FLG2: variants seen among roughly 807,000 people sequenced by gnomAD.
FLG2 encodes the protein filaggrin-2.
FLG2 carries 7 observed loss-of-function variants against 3.9 expected under a neutral mutation model. That is an observed-to-expected ratio of 1.79 (90% CI 1.02 to 3.36). FLG2 has a LOEUF of 3.36. FLG2 is among the 30% of genes most tolerant of loss of function. FLG2 has a pLI of 0.00. For missense variants in FLG2, 2,700 were observed against 2,809.4 expected (o/e 0.96, Z 0.88); for synonymous variants, 1,031 against 1,056.1 (o/e 0.98, Z 0.46).
rs1653878512 is a variant in FLG2 at position 152,350,830 on chromosome 1, CCTGT to C, written c.6952_6955del (p.Thr2318ValfsTer83). ...ATGACTTGCTCTACTAGATCTGGAA[CCTGT>C]CTGTGTGGATTGTCCATAACCAGAA... On this transcript the variant is annotated frameshift_variant, in exon 3 of 3. Transcript: ENST00000388718. LOFTEE classifies it low-confidence loss of function (END_TRUNC). 1 of 1,614,200 alleles carries C rather than the reference CCTGT, an allele frequency of 6.2e-7. No homozygotes were observed. Among genetic ancestry groups the C allele is most frequent in the Non-Finnish European group, 8.5e-7 (1 of 1,180,048 alleles).
Position 152,351,504 on chromosome 1 carries a change from C to A in FLG2, c.6282G>T (p.Gly2094=), listed in dbSNP as rs1052680075. 10 of 1,609,020 alleles carry A rather than the reference C, an allele frequency of 6.2e-6. No individual in the cohort carries two copies. Among genetic ancestry groups the A allele is most frequent in the Non-Finnish European group, 8.5e-6 (10 of 1,178,678 alleles). The change falls in exon 3 of 3, where the codon GGG becomes GGT. Residue 2094 remains glycine, a synonymous_variant. Coordinates refer to ENST00000388718, the MANE Select transcript of FLG2 (RefSeq NM_001014342.3). Reference sequence around the variant, plus strand: ...ATCCCCTTCTTCCAGCTGTCCTTGACCCTCTCTGTGTGGACTGTCCATGAC... The same window carrying A: ...ATCCCCTTCTTCCAGCTGTCCTTGAACCTCTCTGTGTGGACTGTCCATGAC... ...HSGHGQSTQR[G]SRTAGRRGSG...
Position 152,356,297 on chromosome 1 carries a change from A to G in FLG2, c.1489T>C (p.Ser497Pro). Residue 497 changes from serine to proline, a missense_variant, in exon 3 of 3, where the codon TCA (serine) becomes CCA (proline). Transcript: ENST00000388718. ...GQSSGFGQCGSGSGQSSGFGQ... is the reference protein window; with the variant it reads ...GQSSGFGQCGPGSGQSSGFGQ... ...AAGCCAGAGGACTGACCTGAGCCTG[A>G]CCCACATTGTCCAAAGCCAGAGGAC... 1 of 1,613,920 alleles carries G rather than the reference A, an allele frequency of 6.2e-7. No homozygotes were observed. The highest frequency in any genetic ancestry group is 8.5e-7 in the Non-Finnish European group (1 of 1,179,968).
Position 152,355,269 on chromosome 1 carries a change from T to G in FLG2, c.2517A>C (p.Arg839Ser). Residue 839 changes from arginine to serine, a missense_variant, in exon 3 of 3, where the codon AGA becomes AGC. Coordinates refer to ENST00000388718, the MANE Select transcript of FLG2 (RefSeq NM_001014342.3). ...QSSGFGQHES[R>S]SHQSSYGQHG... ...GTTGGCCATAGCTGGACTGATGTGA[T>G]CTAGACTCATGCTGTCCAAAGCCAG... is the stretch of plus-strand genomic sequence containing the variant. 1 of 1,613,044 alleles carries G rather than the reference T, an allele frequency of 6.2e-7. No individual in the cohort carries two copies. Among genetic ancestry groups the G allele is most frequent in the Non-Finnish European group, 8.5e-7 (1 of 1,179,788 alleles).
At chr1:152,358,039 T>G (rs76740990) in intron 2 of FLG2, among the ~76,000 whole-genome samples, 1 of 147,182 alleles carries the variant, frequency 6.8e-6, no homozygotes, top group South Asian at 2.2e-4. Flanking sequence ...TTTTTTTTTT[T>G]GAGATGGAGT....
chr1:152,350,511 A>G lies in FLG2; in HGVS notation c.*99T>C, dbSNP rs1020471340. The G allele has an allele frequency of 9.9e-6, 14 of 1,415,590 alleles. No homozygotes were observed. Among genetic ancestry groups the G allele is most frequent in the Non-Finnish European group, 1.3e-5 (14 of 1,052,632 alleles). 87.7% of individuals were successfully genotyped at this position (1,415,590 alleles called of 1,614,324 possible). A position where few individuals can be genotyped will look rare whatever the true frequency, so the allele number is the denominator to read the frequency against. ...GAGACTGATACTGAGAATCAACTGAATGTTCATAACTTACCATTGACTGTT... is the reference window on the plus strand; with the variant it reads ...GAGACTGATACTGAGAATCAACTGAGTGTTCATAACTTACCATTGACTGTT... On this transcript the variant is annotated 3_prime_UTR_variant, in exon 3 of 3. Coordinates refer to ENST00000388718, the MANE Select transcript of FLG2 (RefSeq NM_001014342.3).
In FLG2 at chr1:152,352,625, T is replaced by A. The variant is rs756698387; in HGVS notation, c.5161A>T (p.Thr1721Ser). 3.7e-6 allele frequency: 6 copies of A among 1,613,802 alleles called. No individual in the cohort carries two copies. In the Admixed American group the frequency reaches 1.0e-4, roughly 27 times the overall value. ...CTGTGGCCAGATCCCCTTCTTCCAG[T>A]AGTCCTGGACCCTGTCTGTGTGGTT... is the stretch of plus-strand genomic sequence containing the variant. ...GLTTQTGSRT[T>S]GRRGSGHSEY... is the part of the protein sequence containing the mutation. The change falls in exon 3 of 3, where the codon ACT becomes TCT. Residue 1721 changes from threonine to serine, a missense_variant. By Grantham distance (58) the Thr-to-Ser change is moderately conservative. Transcript: ENST00000388718.
chr1:152,351,172 C>T lies in FLG2; in HGVS notation c.6614G>A (p.Gly2205Glu). Reference protein sequence around the residue: ...THSGHTHSQAGSRHGQSGSSG... With the variant: ...THSGHTHSQAESRHGQSGSSG... ...GGATCCTGACTGTCCATGTCGAGAT[C>T]CGGCTTGGCTGTGAGTGTGTCCTGA... Residue 2205 changes from glycine (G) to glutamate (E), a missense_variant, in exon 3 of 3, where the codon GGA becomes GAA. Transcript: ENST00000388718. The T allele has an allele frequency of 6.2e-7, 1 of 1,613,626 alleles. No individual in the cohort carries two copies. Among genetic ancestry groups the T allele is most frequent in the South Asian group, 1.1e-5 (1 of 91,050 alleles).
rs1490177133 is a variant in FLG2, at chr1:152,356,357, A to G, written c.1429T>C (p.Ser477Pro). The G allele has an allele frequency of 6.2e-7, 1 of 1,614,216 alleles. No homozygotes were observed. Among genetic ancestry groups the G allele is most frequent in the East Asian group, 2.2e-5 (1 of 44,878 alleles). The change falls in exon 3 of 3, where the codon TCT (serine) becomes CCT (proline). Residue 477 changes from serine (S) to proline (P), a missense_variant. Transcript: ENST00000388718. Reference sequence around the variant, plus strand: ...CCAGACCCATGTTGTCCAAAGCCAGATGTCTTACCTGAGCTAGACCCATGC... The same window carrying G: ...CCAGACCCATGTTGTCCAAAGCCAGGTGTCTTACCTGAGCTAGACCCATGC... ...DQHGSSSGKTSGFGQHGSGSG... is the reference protein window; with the variant it reads ...DQHGSSSGKTPGFGQHGSGSG...
In FLG2 at chr1:152,356,427, A is replaced by G. The variant is rs563694320; in HGVS notation, c.1359T>C (p.Cys453=). The change falls in exon 3 of 3, where the codon TGT becomes TGC. Residue 453 remains cysteine (C), a synonymous_variant. Coordinates refer to ENST00000388718, the MANE Select transcript of FLG2 (RefSeq NM_001014342.3). ...GACTTGATGTAGACTCATGCTGGCC[A>G]CAAGTTTGACCTGAGCCACATACAT... is the stretch of plus-strand genomic sequence containing the variant. ...EQHVCGSGQT[C]GQHESTSSQS... The G allele has an allele frequency of 1.9e-6, 3 of 1,614,264 alleles. No homozygotes were observed. The highest frequency in any genetic ancestry group is 1.3e-5 in the African/African-American group (1 of 75,068).
In FLG2 at chr1:152,354,432, A is replaced by G. The variant is rs368145435; in HGVS notation, c.3354T>C (p.Tyr1118=). The stretch of plus-strand genomic sequence containing the variant: ...CAGAAGACTGACCTGAGCCCGATCC[A>G]TATTGGCCAAAGCCAGAGGACTGAC... ...GSGQSSGFGQ[Y]GSGSGQSSGF... Residue 1118 remains tyrosine (Y), a synonymous_variant, in exon 3 of 3, where the codon TAT becomes TAC. Transcript: ENST00000388718. 113 of 1,614,180 alleles carry G rather than the reference A, an allele frequency of 7.0e-5. No homozygotes were observed. In the South Asian group the frequency reaches 1.1e-3, roughly 15 times the overall value.
chr1:152,356,752 G>C lies in FLG2; in HGVS notation c.1034C>G (p.Pro345Arg). The C allele has an allele frequency of 3.1e-6, 5 of 1,614,146 alleles. No homozygotes were observed. The highest frequency in any genetic ancestry group is 4.2e-6 in the Non-Finnish European group (5 of 1,180,042). ...TCTCTGACTATAGGACTGACTACAG[G>C]GGTTAGACTCAGGTTGACCACATCC... Reference protein sequence around the residue: ...PSGCGQPESNPCSQSYSQRGY... With the variant: ...PSGCGQPESNRCSQSYSQRGY... The change falls in exon 3 of 3, where the codon CCC becomes CGC. Residue 345 changes from proline to arginine, a missense_variant. Coordinates refer to ENST00000388718, the MANE Select transcript of FLG2 (RefSeq NM_001014342.3).
In FLG2 at chr1:152,353,529, T is replaced by C. The variant is rs756890547; in HGVS notation, c.4257A>G (p.Arg1419=). Residue 1419 remains arginine, a synonymous_variant, in exon 3 of 3, where the codon AGA becomes AGG. Transcript: ENST00000388718. ...TGGACTCACTATGGCCAGATCCCCT[T>C]CTTCCAGTTGTCCTGGACCCTCTCT... The part of the protein sequence containing the change: ...STQRGSRTTG[R]RGSGHSESSD... The C allele has an allele frequency of 1.5e-5, 25 of 1,613,944 alleles. No individual in the cohort carries two copies. Among genetic ancestry groups the C allele is most frequent in the Non-Finnish European group, 2.1e-5 (25 of 1,180,024 alleles).
chr1:152,353,942 A>G lies in FLG2; in HGVS notation c.3844T>C (p.Ser1282Pro). 1 of 1,614,098 alleles carries G rather than the reference A, an allele frequency of 6.2e-7. No individual in the cohort carries two copies. The highest frequency in any genetic ancestry group is 2.2e-5 in the East Asian group (1 of 44,870). ...TCTGAATGTCTGTGTGAGACCTTTG[A>G]GTGCACTTCACTGTCACTGTTCTCA... Reference protein sequence around the residue: ...QSENSDSEVHSKVSHRHSEHI... With the variant: ...QSENSDSEVHPKVSHRHSEHI... Residue 1282 changes from serine (S) to proline (P), a missense_variant, in exon 3 of 3, where the codon TCA (serine) becomes CCA (proline). By Grantham distance (74) the Ser-to-Pro change is moderately conservative. Coordinates refer to ENST00000388718, the MANE Select transcript of FLG2 (RefSeq NM_001014342.3).
chr1:152,356,880 TC>T lies in FLG2; in HGVS notation c.905del (p.Arg302AsnfsTer135). 2 of 1,614,196 alleles carry T rather than the reference TC, an allele frequency of 1.2e-6. No individual in the cohort carries two copies. Among genetic ancestry groups the T allele is most frequent in the Non-Finnish European group, 1.7e-6 (2 of 1,180,036 alleles). On this transcript the variant is annotated frameshift_variant, in exon 3 of 3. Coordinates refer to ENST00000388718, the MANE Select transcript of FLG2 (RefSeq NM_001014342.3). LOFTEE classifies it low-confidence loss of function (END_TRUNC). Reference protein sequence around the residue: ...QNASSSCQSHRFGGQGNQFSY... With the variant: ...QNASSSCQSHXFGGQGNQFSY... ...TAAATTGATTTCCTTGCCCTCCAAA[TC>T]TATGTGACTGACAAGAACTTGAAGC...
At chr1:152,359,002 CTT>C in intron 1 of FLG2, 96 bp from the exon 2 acceptor site, 4 of 1,193,408 alleles carry the variant, frequency 3.4e-6, no homozygotes, top group Non-Finnish European at 4.6e-6. Flanking sequence ...TTTTTAACCT[CTT>C]GTTTTTTAAA....
rs377401223 is a variant in FLG2, at chr1:152,352,166, C to T, written c.5620G>A (p.Gly1874Arg). Reference protein sequence around the residue: ...QSTQSGSSTTGRRRSGHSESS... With the variant: ...QSTQSGSSTTRRRRSGHSESS... ...TCACTGTGGCCAGATCTCCTTCTTCCAGTTGTACTGGATCCTGACTGTGTG... is the reference window on the plus strand; with the variant it reads ...TCACTGTGGCCAGATCTCCTTCTTCTAGTTGTACTGGATCCTGACTGTGTG... Residue 1874 changes from glycine (G) to arginine (R), a missense_variant, in exon 3 of 3, where the codon GGA becomes AGA. Physicochemically the swap from Gly to Arg is moderately radical, Grantham distance 125. Coordinates refer to ENST00000388718, the MANE Select transcript of FLG2 (RefSeq NM_001014342.3). 1 of 1,613,752 alleles carries T rather than the reference C, an allele frequency of 6.2e-7. No homozygotes were observed. The highest frequency in any genetic ancestry group is 1.3e-5 in the African/African-American group (1 of 74,818).
rs201605074 is a variant in FLG2 at position 152,357,308 on chromosome 1, T to C, written c.478A>G (p.Arg160Gly). The C allele has an allele frequency of 2.4e-4, 390 of 1,614,198 alleles. 1 individual carries two copies. The highest frequency in any genetic ancestry group is 1.1e-4 in the Non-Finnish European group (131 of 1,180,036). Residue 160 changes from arginine to glycine, a missense_variant, in exon 3 of 3, where the codon AGG becomes GGG. Physicochemically the swap from Arg to Gly is moderately radical, Grantham distance 125. Transcript: ENST00000388718. The part of the protein sequence containing the change: ...TVKCRHGSNS[R>G]RLGRQGNLSS... The stretch of plus-strand genomic sequence containing the variant: ...AAATTACCTTGTCTTCCTAGCCTCC[T>C]GGAGTTGGACCCATGTCTACATTTC...
intron 1 of FLG2, 53 bp from the exon 2 acceptor site, chr1:152,358,959 G>T: frequency 2.1e-6 from 3 of 1,452,784 alleles, no homozygotes; most frequent in Non-Finnish European, 2.8e-6. Flanking sequence ...CCTTTTATCA[G>T]CAATTTTCAT....
chr1:152,353,431 G>C lies in FLG2; in HGVS notation c.4355C>G (p.Ser1452Cys), dbSNP rs1452513703. Residue 1452 changes from serine (S) to cysteine (C), a missense_variant, in exon 3 of 3, where the codon TCT becomes TGT. Coordinates refer to ENST00000388718, the MANE Select transcript of FLG2 (RefSeq NM_001014342.3). ...TGTGGATCCTGACTCTCCATGTTGAGATCCGGCTTGGCCATGAGTTTGTTC... is the reference window on the plus strand; with the variant it reads ...TGTGGATCCTGACTCTCCATGTTGACATCCGGCTTGGCCATGAGTTTGTTC... ...SQEQTHGQAG[S>C]QHGESGSTVH... 6.2e-7 allele frequency: 1 copy of C among 1,611,276 alleles called. No homozygotes were observed. Among genetic ancestry groups the C allele is most frequent in the East Asian group, 2.2e-5 (1 of 44,702 alleles).
Sources: gnomAD v4.1 joint callset for allele counts (sites outside exome capture counted in the v4.1 genomes callset) on GRCh38, gnomAD v4.1.1 for gene constraint, MANE v1.5 for transcripts, NCBI Gene and HGNC (gene_info 2026-07-23, HGNC 2026-07-21) for gene names.